Variants in EMCN observed in about 807,000 individuals in gnomAD.
The protein encoded by EMCN is endomucin.
EMCN carries 37 observed loss-of-function variants against 38.4 expected under a neutral mutation model. The ratio of observed to expected loss-of-function variants is 0.96; its 90% CI spans 0.74 to 1.27. The LOEUF (loss-of-function observed/expected upper bound fraction) is 1.27, where lower values mean the gene tolerates loss of function less well. Ranked by LOEUF, EMCN falls within the 50% of genes most tolerant of loss-of-function variation. The pLI, the probability that EMCN is intolerant of heterozygous loss-of-function variation, is 0.00. For missense variants in EMCN, 318 were observed against 302.8 expected (o/e 1.05, Z -0.37); for synonymous variants, 95 against 100.8 (o/e 0.94, Z 0.35).
intron 1 of EMCN, among the ~76,000 whole-genome samples, chr4:100,508,822 C>G (rs1421992161): frequency 6.6e-6 from 1 of 152,160 alleles, no homozygotes; most frequent in Non-Finnish European, 1.5e-5. Flanking sequence ...ATGATTTGAA[C>G]AGTCACTATA....
chr4:100,412,654 T>C (rs1726596813), intron 10 of EMCN, among the ~76,000 whole-genome samples: 1 of 152,186 alleles, frequency 6.6e-6, no homozygotes, highest in South Asian at 2.1e-4. Flanking sequence ...GTAGCTTATA[T>C]GTTCTTATGA....
intron 5 of EMCN, among the ~76,000 whole-genome samples, chr4:100,434,473 T>C (rs1040186116): frequency 6.6e-6 from 1 of 151,538 alleles, no homozygotes; most frequent in African/African-American, 2.4e-5. Flanking sequence ...CCATTTCTAC[T>C]GAAACTATTT....
rs1369760178 is a variant in EMCN, at chr4:100,423,099, C to T, written c.509-19G>A. 6.2e-7 allele frequency: 1 copy of T among 1,612,176 alleles called. No individual in the cohort carries two copies. The highest frequency in any genetic ancestry group is 8.5e-7 in the Non-Finnish European group (1 of 1,178,778). On this transcript the variant is annotated intron_variant, in intron 6 of 11. Coordinates refer to ENST00000296420, the MANE Select transcript of EMCN (RefSeq NM_016242.4). ...CCTATTACTTTAAGAAAGAAAAAAA[C>T]AAGTCACTTTTGGTTAATGTGTGCC...
chr4:100,411,518 A>G (rs984578977), intron 10 of EMCN, among the ~76,000 whole-genome samples: 3 of 152,218 alleles, frequency 2.0e-5, no homozygotes, highest in Non-Finnish European at 4.4e-5. Flanking sequence ...AAATTTAATA[A>G]CAATATGATA....
intron 1 of EMCN, among the ~76,000 whole-genome samples, chr4:100,512,847 T>G (rs1484197839): frequency 2.0e-5 from 3 of 151,994 alleles, no homozygotes; most frequent in Non-Finnish European, 4.4e-5. Context: ...CATTCAGTAT[T>G]TAGAAACGTG....
At chr4:100,508,241 C>T (rs1384904899) in intron 1 of EMCN, among the ~76,000 whole-genome samples, 2 of 152,166 alleles carry the variant, frequency 1.3e-5, no homozygotes, top group Non-Finnish European at 2.9e-5. Context: ...CATGTGGCCC[C>T]TGGTAACTAA....
intron 8 of EMCN, among the ~76,000 whole-genome samples, chr4:100,418,709 A>G (rs967560171): frequency 6.6e-6 from 1 of 152,092 alleles, no homozygotes; most frequent in African/African-American, 2.4e-5. Flanking sequence ...TGTTGTTGCA[A>G]ATGACAGGAT....
intron 5 of EMCN, among the ~76,000 whole-genome samples, chr4:100,430,490 A>G (rs1727165926): frequency 6.6e-6 from 1 of 152,214 alleles, no homozygotes; most frequent in African/African-American, 2.4e-5. Flanking sequence ...CAGACCATGC[A>G]GATAGAAACA....
intron 2 of EMCN, among the ~76,000 whole-genome samples, chr4:100,475,947 T>C (rs1200955627): frequency 2.0e-5 from 3 of 152,100 alleles, no homozygotes; most frequent in Non-Finnish European, 4.4e-5. Flanking sequence ...ATGCTGGGAT[T>C]ACAGGCGTGA....
intron 1 of EMCN, among the ~76,000 whole-genome samples, chr4:100,496,023 A>C (rs1729197718): frequency 6.6e-6 from 1 of 152,084 alleles, no homozygotes; most frequent in Non-Finnish European, 1.5e-5. Flanking sequence ...TCTCGGCTTA[A>C]ATTTGTTTGC....
Position 100,480,056 on chromosome 4 carries a change from A to G in EMCN, c.65-17T>C, listed in dbSNP as rs770823770. On this transcript the variant is annotated splice_polypyrimidine_tract_variant and intron_variant, in intron 1 of 11. Transcript: ENST00000296420. ...CTAAAACACCTGAAAAAAGTAAAGT[A>G]GTTGCATTAACATTTACATATAGTT... 6 of 1,601,980 alleles carry G rather than the reference A, an allele frequency of 3.7e-6. No homozygotes were observed. The highest frequency in any genetic ancestry group is 1.7e-4 in the Middle Eastern group (1 of 5,906).
At chr4:100,436,750 C>T (rs558774506) in intron 5 of EMCN, among the ~76,000 whole-genome samples, 8 of 152,194 alleles carry the variant, frequency 5.3e-5, no homozygotes, top group Admixed American at 2.6e-4. Flanking sequence ...CCTCAGCAAA[C>T]GAATGCAGAA....
At chr4:100,464,391 T>C (rs1233988617) in intron 4 of EMCN, among the ~76,000 whole-genome samples, 2 of 152,056 alleles carry the variant, frequency 1.3e-5, no homozygotes, top group Non-Finnish European at 2.9e-5. Context: ...GTATTATCCA[T>C]TGTTGAATTG....
intron 5 of EMCN, among the ~76,000 whole-genome samples, chr4:100,439,110 T>G (rs1727436482): frequency 6.6e-6 from 1 of 152,090 alleles, no homozygotes; most frequent in South Asian, 2.1e-4. Flanking sequence ...GGTATCAAGG[T>G]GATGTGGTCC....
chr4:100,445,061 G>T (rs1242238679), intron 5 of EMCN, among the ~76,000 whole-genome samples: 1 of 152,148 alleles, frequency 6.6e-6, no homozygotes, highest in East Asian at 1.9e-4. Flanking sequence ...CAGAGGCAAG[G>T]TGTTTCCTCC....
At chr4:100,401,840 G>A (rs1726268388) in intron 11 of EMCN, among the ~76,000 whole-genome samples, 1 of 152,082 alleles carries the variant, frequency 6.6e-6, no homozygotes, top group Non-Finnish European at 1.5e-5. Flanking sequence ...AAGGTGTCTT[G>A]GAACAGAAGG....
At chr4:100,502,162 T>C (rs185377391) in intron 1 of EMCN, among the ~76,000 whole-genome samples, 218 of 152,326 alleles carry the variant, frequency 1.4e-3, no homozygotes, top group African/African-American at 5.0e-3. Flanking sequence ...TTGGTTGGAC[T>C]AGATGTAACA....
chr4:100,446,188 T>C, intron 5 of EMCN: 1 of 985,414 alleles, frequency 1.0e-6, no homozygotes, highest in Non-Finnish European at 1.2e-6. Flanking sequence ...CTTCTCTGAC[T>C]GGATGCACTG....
intron 3 of EMCN, among the ~76,000 whole-genome samples, chr4:100,466,549 T>C (rs745346440): frequency 6.6e-6 from 1 of 152,218 alleles, no homozygotes; most frequent in Non-Finnish European, 1.5e-5. Flanking sequence ...TGGGAATTAG[T>C]GTGCAAACAA....
Sources: allele counts gnomAD v4.1 joint callset (sites outside exome capture counted in the v4.1 genomes callset), GRCh38; gene constraint gnomAD v4.1.1; transcripts MANE v1.5; gene names NCBI Gene and HGNC (gene_info 2026-07-23, HGNC 2026-07-21).